The following LRRTM4 variants were observed in gnomAD, a reference collection of about 807,000 sequenced individuals.
The protein encoded by LRRTM4 is leucine-rich repeat transmembrane neuronal protein 4.
In LRRTM4, 25 loss-of-function variants were observed where a neutral mutation model predicts 47.6. The ratio of observed to expected loss-of-function variants is 0.53; its 90% CI spans 0.38 to 0.73. LRRTM4 has a LOEUF of 0.73. LRRTM4 is among the 30% of genes least tolerant of loss of function. The pLI, the probability that LRRTM4 is intolerant of heterozygous loss-of-function variation, is 0.00. For synonymous variants in LRRTM4, 311 were observed against 269.5 expected, an observed-to-expected ratio of 1.15 and a Z score of -1.51; for missense variants, 638 against 713.4, an observed-to-expected ratio of 0.89 and a Z score of 1.20.
At chr2:77,052,927 G>A (rs1679488339) in intron 3 of LRRTM4, among the ~76,000 whole-genome samples, 1 of 151,908 alleles carries the variant, frequency 6.6e-6, no homozygotes, top group African/African-American at 2.4e-5. Context: ...ATAATAAGGT[G>A]TTAGGCCCAT....
At chr2:76,772,553 T>C (rs1038311307) in intron 3 of LRRTM4, among the ~76,000 whole-genome samples, 6 of 152,186 alleles carry the variant, frequency 3.9e-5, no homozygotes, top group African/African-American at 1.4e-4. Flanking sequence ...CAGTCTCAAT[T>C]TGACCAACCT....
chr2:77,457,752 C>A (rs1408716072), intron 3 of LRRTM4, among the ~76,000 whole-genome samples: 1 of 152,114 alleles, frequency 6.6e-6, no homozygotes, highest in Non-Finnish European at 1.5e-5. Flanking sequence ...CTCCATCATG[C>A]CTACCTCAAT....
chr2:77,306,793 T>C (rs998293101), intron 3 of LRRTM4, among the ~76,000 whole-genome samples: 7 of 151,850 alleles, frequency 4.6e-5, no homozygotes, highest in Non-Finnish European at 8.8e-5. Flanking sequence ...TGCCAGTAAA[T>C]TATAATTAAT....
At chr2:76,766,308 T>C (rs1211726713) in intron 3 of LRRTM4, among the ~76,000 whole-genome samples, 1 of 152,192 alleles carries the variant, frequency 6.6e-6, no homozygotes, top group Non-Finnish European at 1.5e-5. Context: ...GCCATTTATA[T>C]ATATTTAGGC....
intron 3 of LRRTM4, among the ~76,000 whole-genome samples, chr2:77,223,878 C>G (rs1201797852): frequency 1.3e-5 from 2 of 152,090 alleles, no homozygotes; most frequent in Non-Finnish European, 2.9e-5. Context: ...TCATATGGAA[C>G]CAAAAAAGAG....
chr2:77,477,865 G>C (rs1290956519), intron 3 of LRRTM4, among the ~76,000 whole-genome samples: 3 of 122,096 alleles, frequency 2.5e-5, no homozygotes, highest in African/African-American at 9.3e-5. Context: ...AAGAAAGAGA[G>C]AGAGAAAGAA....
At chr2:76,995,878 T>C (rs965500390) in intron 3 of LRRTM4, among the ~76,000 whole-genome samples, 3 of 152,076 alleles carry the variant, frequency 2.0e-5, no homozygotes, top group Non-Finnish European at 4.4e-5. Context: ...TCAAGATGAA[T>C]TGGCATATCA....
intron 3 of LRRTM4, among the ~76,000 whole-genome samples, chr2:77,168,733 T>C (rs1402380068): frequency 2.6e-5 from 4 of 152,094 alleles, no homozygotes; most frequent in African/African-American, 9.7e-5. Context: ...AAAGCATCAT[T>C]CTACTCTCTA....
chr2:77,300,182 A>T (rs886696580), intron 3 of LRRTM4, among the ~76,000 whole-genome samples: 3 of 152,140 alleles, frequency 2.0e-5, no homozygotes, highest in Non-Finnish European at 4.4e-5. Context: ...TTTCAAGCCA[A>T]CAGTTCAAGA....
chr2:76,787,692 T>C (rs919631187), intron 3 of LRRTM4, among the ~76,000 whole-genome samples: 1 of 152,108 alleles, frequency 6.6e-6, no homozygotes. Flanking sequence ...AGCACACTTA[T>C]TCGGGTTGAT....
chr2:77,038,884 T>C (rs1226679688), intron 3 of LRRTM4, among the ~76,000 whole-genome samples: 1 of 151,384 alleles, frequency 6.6e-6, no homozygotes, highest in Non-Finnish European at 1.5e-5. Context: ...AAAAAATGTA[T>C]GAGTTTAGAG....
At chr2:77,209,231 A>C (rs534241490) in intron 3 of LRRTM4, among the ~76,000 whole-genome samples, 29 of 152,156 alleles carry the variant, frequency 1.9e-4, no homozygotes, top group Non-Finnish European at 3.8e-4. Flanking sequence ...ATTCACAAGC[A>C]AGCTGTACAT....
At chr2:76,987,226 A>G in intron 3 of LRRTM4, among the ~76,000 whole-genome samples, 1 of 151,902 alleles carries the variant, frequency 6.6e-6, no homozygotes, top group East Asian at 1.9e-4. Flanking sequence ...CAAAGGTTGT[A>G]TAACATCTGA....
chr2:76,896,356 G>A (rs1230564203), intron 3 of LRRTM4, among the ~76,000 whole-genome samples: 1 of 151,912 alleles, frequency 6.6e-6, no homozygotes, highest in Non-Finnish European at 1.5e-5. Context: ...AGGTGAAAAA[G>A]TGCTTCAACT....
At position 77,052,881 on chromosome 2, in the gene LRRTM4, A is replaced by G. The variant is rs1265699337; in HGVS notation, c.1552-303965T>C. ...GCCTAATTGATTTTCTTCAGGGCAT[A>G]TACAATGGAATAGCTTTCCATTTGA... On this transcript the variant is annotated intron_variant, in intron 3 of 3. Coordinates refer to ENST00000409884, the MANE Select transcript of LRRTM4 (RefSeq NM_001134745.3). 2.0e-5 allele frequency among the ~76,000 whole-genome samples: 3 copies of G among 152,284 alleles called. No homozygotes were observed. The East Asian group carries it at 5.8e-4, about 29-fold the overall frequency.
chr2:77,335,399 A>C (rs1234445745), intron 3 of LRRTM4, among the ~76,000 whole-genome samples: 2 of 152,132 alleles, frequency 1.3e-5, no homozygotes, highest in Non-Finnish European at 1.5e-5. Context: ...ACAAACAAGC[A>C]TGCTCCTGAC....
At chr2:76,790,498 G>A (rs999998928) in intron 3 of LRRTM4, among the ~76,000 whole-genome samples, 3 of 152,094 alleles carry the variant, frequency 2.0e-5, no homozygotes, top group Non-Finnish European at 4.4e-5. Flanking sequence ...TCTTTAAAAT[G>A]AGGAAAATGG....
intron 3 of LRRTM4, among the ~76,000 whole-genome samples, chr2:76,983,969 A>T (rs1449216197): frequency 6.6e-6 from 1 of 152,098 alleles, no homozygotes; most frequent in Admixed American, 6.6e-5. Context: ...AATTTAACAA[A>T]CATTCATTAC....
At chr2:76,827,841 A>C (rs755099546) in intron 3 of LRRTM4, among the ~76,000 whole-genome samples, 1 of 151,854 alleles carries the variant, frequency 6.6e-6, no homozygotes, top group Non-Finnish European at 1.5e-5. Context: ...AGGGAACTAG[A>C]TGGTTATAAT....
Sources: gnomAD v4.1 joint callset for allele counts (sites outside exome capture counted in the v4.1 genomes callset) on GRCh38, gnomAD v4.1.1 for gene constraint, MANE v1.5 for transcripts, NCBI Gene and HGNC (gene_info 2026-07-23, HGNC 2026-07-21) for gene names.